AUTS2: variants seen among roughly 807,000 people sequenced by gnomAD.
The protein encoded by AUTS2 is autism susceptibility gene 2 protein.
In AUTS2, 17 loss-of-function variants were observed where a neutral mutation model predicts 112.4. That is an observed-to-expected ratio of 0.15 (90% CI 0.10 to 0.23). The LOEUF (loss-of-function observed/expected upper bound fraction) is 0.23. Among genes scored for constraint, AUTS2 ranks in the 10% least tolerant of loss-of-function variants. The pLI is 1.00. For synonymous variants in AUTS2, 751 were observed against 702.7 expected (o/e 1.07, Z -1.09); for missense variants, 1,510 against 1,701.6 (o/e 0.89, Z 1.98).
At chr7:69,841,004 A>C (rs1791954828) in intron 1 of AUTS2, among the ~76,000 whole-genome samples, 3 of 152,218 alleles carry the variant, frequency 2.0e-5, no homozygotes, top group African/African-American at 7.2e-5. Flanking sequence ...CAAAGGGGAA[A>C]GTATACCCTT....
At chr7:70,135,348 A>C (rs1806498298) in intron 4 of AUTS2, among the ~76,000 whole-genome samples, 1 of 152,190 alleles carries the variant, frequency 6.6e-6, no homozygotes, top group South Asian at 2.1e-4. Flanking sequence ...ATAACATGTC[A>C]ATGTAAAAGT....
At chr7:70,036,417 C>G (rs1417281794) in intron 2 of AUTS2, among the ~76,000 whole-genome samples, 1 of 152,224 alleles carries the variant, frequency 6.6e-6, no homozygotes, top group Non-Finnish European at 1.5e-5. Context: ...AATCTTAACA[C>G]AGAATAGTGT....
intron 4 of AUTS2, among the ~76,000 whole-genome samples, chr7:70,173,744 T>C (rs1168079515): frequency 1.3e-5 from 2 of 152,214 alleles, no homozygotes; most frequent in Non-Finnish European, 2.9e-5. Context: ...TTTTTTATTA[T>C]AATTATAACT....
intron 4 of AUTS2, among the ~76,000 whole-genome samples, chr7:70,369,946 C>T (rs1429619664): frequency 1.3e-5 from 2 of 152,204 alleles, no homozygotes; most frequent in Admixed American, 6.5e-5. Flanking sequence ...GAGGAAGACT[C>T]GGATATGTTG....
chr7:70,762,901 A>C lies in AUTS2; in HGVS notation c.774A>C (p.Glu258Asp). 6.2e-7 allele frequency: 1 copy of C among 1,614,032 alleles called. No homozygotes were observed. Among genetic ancestry groups the C allele is most frequent in the African/African-American group, 1.3e-5 (1 of 75,038 alleles). The change falls in exon 7 of 19, where the codon GAA becomes GAC. Residue 258 changes from glutamate (E) to aspartate (D), a missense_variant. Around this residue, in one of 3 missense-constraint regions of AUTS2, gnomAD observed 535 missense variants for 594.3 expected, o/e 0.90. Coordinates refer to ENST00000342771, the MANE Select transcript of AUTS2 (RefSeq NM_015570.4). The part of the protein sequence containing the change: ...DPELGVGTLP[E>D]HDSQDAGPIV... ...AGTTAGGTGTTGGCACGCTACCAGA[A>C]CATGACAGCCAGGATGCAGGGCCGA...
Position 70,154,505 on chromosome 7 carries a change from C to A in AUTS2, c.660+19934C>A, listed in dbSNP as rs767678131. On this transcript the variant is annotated intron_variant, in intron 4 of 18. Coordinates refer to ENST00000342771, the MANE Select transcript of AUTS2 (RefSeq NM_015570.4). ...TCTAGTGATTTCTGAAAGCTGCTCC[C>A]TTTAAGGAGACAGGGAAACAAGGTT... 8.1e-4 allele frequency among the ~76,000 whole-genome samples: 124 copies of A among 152,200 alleles called. 1 individual carries two copies. Among genetic ancestry groups the A allele is most frequent in the Non-Finnish European group, 1.1e-3 (75 of 68,012 alleles).
chr7:70,543,841 C>T (rs776098622), intron 5 of AUTS2, among the ~76,000 whole-genome samples: 15 of 152,196 alleles, frequency 9.9e-5, no homozygotes, highest in Admixed American at 2.6e-4. Context: ...CAAAGACTAT[C>T]GCCATTTTCT....
intron 5 of AUTS2, among the ~76,000 whole-genome samples, chr7:70,490,143 C>T (rs1056353159): frequency 6.6e-6 from 1 of 151,218 alleles, no homozygotes; most frequent in African/African-American, 2.4e-5. Context: ...ACAGATAAAC[C>T]CAATGTGAGA....
intron 5 of AUTS2, among the ~76,000 whole-genome samples, chr7:70,529,540 T>C (rs1339666226): frequency 1.3e-5 from 2 of 152,192 alleles, no homozygotes; most frequent in Non-Finnish European, 2.9e-5. Context: ...AGGCAAATCG[T>C]ACCTATAAAA....
At chr7:70,120,451 A>G (rs1334502754) in intron 3 of AUTS2, 1 of 152,182 alleles carries the variant, frequency 6.6e-6, no homozygotes, top group Non-Finnish European at 1.5e-5. Flanking sequence ...TGATGGAGCT[A>G]TACAACCATA....
At chr7:69,814,013 T>C (rs1481042559) in intron 1 of AUTS2, among the ~76,000 whole-genome samples, 3 of 152,208 alleles carry the variant, frequency 2.0e-5, no homozygotes, top group Non-Finnish European at 4.4e-5. Context: ...ATTGGAACTT[T>C]GGGCCTTGCC....
At chr7:70,356,332 T>C (rs139367820) in intron 4 of AUTS2, among the ~76,000 whole-genome samples, 1 of 151,638 alleles carries the variant, frequency 6.6e-6, no homozygotes, top group Non-Finnish European at 1.5e-5. Flanking sequence ...TACTAGGGGA[T>C]GTGTGTGAAG....
intron 6 of AUTS2, among the ~76,000 whole-genome samples, chr7:70,728,431 C>T (rs1166786497): frequency 1.3e-5 from 2 of 152,058 alleles, no homozygotes; most frequent in African/African-American, 4.8e-5. Flanking sequence ...GGAGGCCGGG[C>T]ATGGTGGTGG....
intron 4 of AUTS2, among the ~76,000 whole-genome samples, chr7:70,355,851 C>T (rs1395346070): frequency 6.6e-6 from 1 of 152,172 alleles, no homozygotes; most frequent in African/African-American, 2.4e-5. Context: ...CTTCTGGAAC[C>T]ATGCTGCCTT....
chr7:70,328,876 T>C (rs1482417351), intron 4 of AUTS2, among the ~76,000 whole-genome samples: 1 of 152,234 alleles, frequency 6.6e-6, no homozygotes. Flanking sequence ...CCACTGCTTC[T>C]ATCTTGTTCC....
intron 5 of AUTS2, among the ~76,000 whole-genome samples, chr7:70,690,593 G>A (rs1487412152): frequency 6.6e-6 from 1 of 152,142 alleles, no homozygotes; most frequent in African/African-American, 2.4e-5. Context: ...GAAATATTTT[G>A]CTAAAATATA....
chr7:69,977,453 C>G (rs1798107091), intron 2 of AUTS2, among the ~76,000 whole-genome samples: 2 of 152,036 alleles, frequency 1.3e-5, no homozygotes, highest in Admixed American at 6.6e-5. Flanking sequence ...TTTTAGGATG[C>G]ATTTTTCTAT....
chr7:70,459,483 G>C (rs1401441163), intron 5 of AUTS2, among the ~76,000 whole-genome samples: 1 of 152,178 alleles, frequency 6.6e-6, no homozygotes, highest in Non-Finnish European at 1.5e-5. Context: ...CGATAGCTAA[G>C]CTGTCATACA....
At chr7:70,399,787 A>G (rs911071450) in intron 4 of AUTS2, among the ~76,000 whole-genome samples, 1 of 152,128 alleles carries the variant, frequency 6.6e-6, no homozygotes, top group Non-Finnish European at 1.5e-5. Flanking sequence ...AAAAATAAAT[A>G]AAAACTTGGG....
Sources: allele counts gnomAD v4.1 joint callset (sites outside exome capture counted in the v4.1 genomes callset), GRCh38; gene constraint gnomAD v4.1.1; regional missense constraint gnomAD v4.1.1; transcripts MANE v1.5; gene names NCBI Gene and HGNC (gene_info 2026-07-23, HGNC 2026-07-21).